Variants in SNAP91 observed in about 807,000 individuals in gnomAD.
SNAP91 encodes synaptosome associated protein 91.
SNAP91 carries 27 observed loss-of-function variants against 100.3 expected under a neutral mutation model. That is an observed-to-expected ratio of 0.27 (90% CI 0.20 to 0.37). SNAP91 has a LOEUF of 0.37. Ranked by LOEUF, SNAP91 falls within the 10% of genes least tolerant of loss-of-function variation. SNAP91 has a pLI of 1.00. For synonymous variants in SNAP91, 404 were observed against 398.6 expected (o/e 1.01, Z -0.16); for missense variants, 986 against 1,123.7 (o/e 0.88, Z 1.75).
intron 20 of SNAP91, 118 bp from the exon 21 acceptor site, chr6:83,592,656 C>T (rs1035446460): frequency 7.4e-6 from 6 of 808,658 alleles, no homozygotes; most frequent in Non-Finnish European, 1.0e-5. Context: ...AGACTGTAGA[C>T]AATCTTAACA....
chr6:83,579,791 C>T (rs1331305125), intron 24 of SNAP91, among the ~76,000 whole-genome samples: 1 of 152,118 alleles, frequency 6.6e-6, no homozygotes, highest in Non-Finnish European at 1.5e-5. Context: ...TACCCCTTTC[C>T]CTTCAAAATC....
rs558138655 is a variant in SNAP91 at position 83,556,739 on chromosome 6, T to C, written c.2632-494A>G. 2.3e-4 allele frequency among the ~76,000 whole-genome samples: 35 copies of C among 152,348 alleles called. 2 individuals carry two copies. The South Asian group carries it at 6.6e-3, about 29-fold the overall frequency. On this transcript the variant is annotated intron_variant, in intron 28 of 29. Transcript: ENST00000369694. ...TCAGTCATTAGTACCTCTAAACTAA[T>C]AAATCTATTTAAATGGCTTTTCCTG...
At chr6:83,596,640 AAAC>A (rs144720251) in intron 16 of SNAP91, among the ~76,000 whole-genome samples, 4,151 of 150,848 alleles carry the variant, frequency 0.028, 188 homozygotes, top group African/African-American at 0.093. Flanking sequence ...TTCTCATCAC[AAAC>A]AATAAGTGAG....
intron 9 of SNAP91, among the ~76,000 whole-genome samples, chr6:83,622,729 T>C (rs1397072622): frequency 2.6e-5 from 4 of 151,064 alleles, no homozygotes; most frequent in Non-Finnish European, 4.4e-5. Flanking sequence ...AAATGATTGA[T>C]ACAGAAGCCC....
At position 83,553,089 on chromosome 6, in the gene SNAP91, C is replaced by G. The variant is rs1773443426; in HGVS notation, c.*1207G>C. On this transcript the variant is annotated 3_prime_UTR_variant, in exon 30 of 30. Transcript: ENST00000369694. ...TCTATTAAATAATTTGAAAAATAGGCAAACACCTTTCCAACCCAATATGCT... is the reference window on the plus strand; with the variant it reads ...TCTATTAAATAATTTGAAAAATAGGGAAACACCTTTCCAACCCAATATGCT... 1 of 152,528 alleles carries G rather than the reference C, an allele frequency of 6.6e-6. No homozygotes were observed. The highest frequency in any genetic ancestry group is 6.6e-5 in the Admixed American group (1 of 15,252). The allele number at this position is 152,528 out of a possible 1,614,324, so 9.4% of individuals were successfully genotyped here. A position where few individuals can be genotyped will look rare whatever the true frequency, so the allele number is the denominator to read the frequency against.
chr6:83,601,289 C>T lies in SNAP91; in HGVS notation c.1306G>A (p.Glu436Lys), dbSNP rs375885217. 37 of 1,613,338 alleles carry T rather than the reference C, an allele frequency of 2.3e-5. No homozygotes were observed. Among genetic ancestry groups the T allele is most frequent in the Non-Finnish European group, 3.0e-5 (35 of 1,179,630 alleles). The stretch of plus-strand genomic sequence containing the variant: ...AACTAACCTCCAAAGAGATCCACTT[C>T]AGCAGTGACAGCAGTAACAGTTGTA... ...TTTTVTAVTA[E>K]VDLFGDAFAA... The change falls in exon 16 of 30, where the codon GAA becomes AAA. Residue 436 changes from glutamate to lysine, a missense_variant. Glu to Lys is a moderately conservative substitution (Grantham distance 56). This residue lies in a region of SNAP91 where 575 missense variants were observed against 579.9 expected (regional missense o/e 0.99). Transcript: ENST00000369694.
At chr6:83,646,922 T>G (rs926770038) in intron 7 of SNAP91, among the ~76,000 whole-genome samples, 2 of 152,196 alleles carry the variant, frequency 1.3e-5, no homozygotes, top group African/African-American at 4.8e-5. Context: ...AGTTTATACC[T>G]AAGTATTTCA....
At chr6:83,598,922 G>T (rs567764960) in intron 16 of SNAP91, among the ~76,000 whole-genome samples, 19 of 152,066 alleles carry the variant, frequency 1.2e-4, no homozygotes, top group Non-Finnish European at 2.5e-4. Context: ...ACAATTTATA[G>T]AACTAAACAG....
intron 8 of SNAP91, among the ~76,000 whole-genome samples, chr6:83,625,978 C>T (rs978300133): frequency 3.3e-5 from 5 of 151,974 alleles, no homozygotes; most frequent in Non-Finnish European, 4.4e-5. Flanking sequence ...TCTAAGTTTC[C>T]TTCTAGCATT....
chr6:83,574,847 A>T (rs1584740390), intron 26 of SNAP91, among the ~76,000 whole-genome samples, 163 bp downstream of exon 26: 1 of 104,366 alleles, frequency 9.6e-6, no homozygotes. Flanking sequence ...CATACCTAAG[A>T]ATGGAGGGCA....
At position 83,553,400 on chromosome 6, in the gene SNAP91, G is replaced by A. The variant is rs561004635; in HGVS notation, c.*896C>T. The A allele has an allele frequency of 2.6e-5, 4 of 152,200 alleles. No homozygotes were observed. The East Asian group carries it at 7.7e-4, about 29-fold the overall frequency. 9.4% of individuals were successfully genotyped at this position (152,200 alleles called of 1,614,324 possible). The stretch of plus-strand genomic sequence containing the variant: ...AGATGTACTAAAAACCCACAGTAAA[G>A]TAAAGATATTTGCAGTAATCTTTAA... On this transcript the variant is annotated 3_prime_UTR_variant, in exon 30 of 30. Coordinates refer to ENST00000369694, the MANE Select transcript of SNAP91 (RefSeq NM_001242792.2).
intron 9 of SNAP91, among the ~76,000 whole-genome samples, chr6:83,618,446 C>A (rs2096586021): frequency 6.6e-6 from 1 of 151,210 alleles, no homozygotes; most frequent in African/African-American, 2.4e-5. Flanking sequence ...AAATACAACT[C>A]AGATGAAAAT....
chr6:83,630,775 TAAA>T lies in SNAP91; in HGVS notation c.766-7436_766-7434del, dbSNP rs36034560. Among the ~76,000 whole-genome samples, 104 of 148,354 alleles carry T rather than the reference TAAA, an allele frequency of 7.0e-4. 1 individual carries two copies. Among genetic ancestry groups the T allele is most frequent in the African/African-American group, 2.5e-3 (101 of 40,684 alleles). On this transcript the variant is annotated intron_variant, in intron 8 of 29. Transcript: ENST00000369694. The stretch of plus-strand genomic sequence containing the variant: ...TGCTAATGGTCTATCAATTTTATCT[TAAA>T]AAAAAAAAACAGCTTTTTGTTTCAT...
intron 16 of SNAP91, among the ~76,000 whole-genome samples, chr6:83,595,477 A>G (rs2094357417): frequency 6.6e-6 from 1 of 152,174 alleles, no homozygotes; most frequent in Admixed American, 6.5e-5. Flanking sequence ...GTGTGTTTCT[A>G]CCAACAATGT....
chr6:83,563,112 C>A (rs576957118), intron 26 of SNAP91, among the ~76,000 whole-genome samples: 4 of 152,308 alleles, frequency 2.6e-5, no homozygotes, highest in African/African-American at 9.6e-5. Flanking sequence ...AAACAAGCTT[C>A]CTGTGAACGA....
At chr6:83,674,409 G>A (rs1016471428) in intron 2 of SNAP91, among the ~76,000 whole-genome samples, 13 of 151,992 alleles carry the variant, frequency 8.6e-5, no homozygotes, top group Non-Finnish European at 1.3e-4. Flanking sequence ...ACTCCAGCCC[G>A]GGCGACAGAG....
chr6:83,659,130 G>A (rs373736476), intron 5 of SNAP91, 38 bp from the exon 6 acceptor site: 277 of 1,434,918 alleles, frequency 1.9e-4, no homozygotes, highest in Middle Eastern at 1.4e-3. Context: ...AATTTCATTG[G>A]ATATGGACAA....
rs535311890 is a variant in SNAP91, at chr6:83,658,406, G to A, written c.546+593C>T. Among the ~76,000 whole-genome samples, 48 of 152,172 alleles carry A rather than the reference G, an allele frequency of 3.2e-4. No homozygotes were observed. In the South Asian group the frequency reaches 8.3e-3, roughly 26 times the overall value. ...AGGCAGATCATGAGGTAAGGAGATC[G>A]AGACCATCCTGGCTAGCATGGTGAG... On this transcript the variant is annotated intron_variant, in intron 6 of 29. Transcript: ENST00000369694.
rs376434753 is a variant in SNAP91 at position 83,580,606 on chromosome 6, A to T, written c.2150-7T>A. 1.3e-6 allele frequency: 2 copies of T among 1,598,888 alleles called. No homozygotes were observed. Among genetic ancestry groups the T allele is most frequent in the Non-Finnish European group, 1.7e-6 (2 of 1,175,316 alleles). On this transcript the variant is annotated splice_region_variant and splice_polypyrimidine_tract_variant and intron_variant, in intron 23 of 29. Transcript: ENST00000369694. ...TCACCTAGACCATCAAACACTGGAA[A>T]TCAAATAGACTAGGTTCAGAATAAT...
Sources: allele counts gnomAD v4.1 joint callset (sites outside exome capture counted in the v4.1 genomes callset), GRCh38; gene constraint gnomAD v4.1.1; regional missense constraint gnomAD v4.1.1; transcripts MANE v1.5; gene names NCBI Gene and HGNC (gene_info 2026-07-23, HGNC 2026-07-21).